Variants in EFEMP1 observed in about 807,000 individuals in gnomAD.
The protein encoded by EFEMP1 is EGF-containing fibulin-like extracellular matrix protein 1.
Under a neutral mutation model 65.7 loss-of-function variants are expected in EFEMP1, and 18 were observed. The ratio of observed to expected loss-of-function variants is 0.27; its 90% CI spans 0.19 to 0.41. The LOEUF is 0.41. EFEMP1 is among the 10% of genes least tolerant of loss of function. The probability of loss-of-function intolerance (pLI) is 1.00; values close to 1 mark genes in which losing one functional copy is unlikely to be tolerated. For missense variants in EFEMP1, 469 were observed against 624.8 expected, an observed-to-expected ratio of 0.75 and a Z score of 2.66; for synonymous variants, 237 against 219.7, an observed-to-expected ratio of 1.08 and a Z score of -0.70.
rs572751908 is a variant in EFEMP1, at chr2:55,914,873, G to A, written c.517+2792C>T. On this transcript the variant is annotated intron_variant, in intron 5 of 11. Transcript: ENST00000355426. ...ATATAGGTCCTTAGAGCACATTATTGTTCTAAACAGAGGTCCCCATACTTC... is the reference window on the plus strand; with the variant it reads ...ATATAGGTCCTTAGAGCACATTATTATTCTAAACAGAGGTCCCCATACTTC... 8.5e-5 allele frequency among the ~76,000 whole-genome samples: 13 copies of A among 152,228 alleles called. No individual in the cohort carries two copies. In the East Asian group the frequency reaches 1.4e-3, roughly 16 times the overall value.
At chr2:55,880,961 G>A (rs535051270) in intron 6 of EFEMP1, among the ~76,000 whole-genome samples, 16 of 152,336 alleles carry the variant, frequency 1.1e-4, no homozygotes, top group African/African-American at 2.2e-4. Flanking sequence ...GCAGAGGCAC[G>A]TGCTGAACTT....
rs1229964898 is a variant in EFEMP1, at chr2:55,922,435, C to T, written c.6G>A (p.Leu2=). 1.9e-6 allele frequency: 3 copies of T among 1,613,626 alleles called. No individual in the cohort carries two copies. Reference sequence around the variant, plus strand: ...TCAGCATAGTTAGGAAAAGGGCTTTCAACATTGTGAATCTCAAAGAAAATA... The same window carrying T: ...TCAGCATAGTTAGGAAAAGGGCTTTTAACATTGTGAATCTCAAAGAAAATA... M[L]KALFLTMLTL... is the part of the protein sequence containing the mutation. The change falls in exon 3 of 12, where the codon TTG becomes TTA. Residue 2 remains leucine, a synonymous_variant. Coordinates refer to ENST00000355426, the MANE Select transcript of EFEMP1 (RefSeq NM_001039348.3). This position sits in a 1 kb window ranked among gnomAD's most constrained non-coding sequence, Gnocchi z 5.5.
chr2:55,899,651 T>C (rs1194429307), intron 5 of EFEMP1, among the ~76,000 whole-genome samples: 1 of 152,198 alleles, frequency 6.6e-6, no homozygotes, highest in Non-Finnish European at 1.5e-5. Context: ...TTTGGTTACA[T>C]AATCTCTCAG....
intron 11 of EFEMP1, among the ~76,000 whole-genome samples, chr2:55,869,831 G>A (rs894624343): frequency 6.6e-6 from 1 of 152,120 alleles, no homozygotes; most frequent in Non-Finnish European, 1.5e-5. Flanking sequence ...TTCACATGAA[G>A]TGGTGAGCCG....
At position 55,871,844 on chromosome 2, in the gene EFEMP1, G is replaced by A. The variant is rs528326032; in HGVS notation, c.1001-721C>T. On this transcript the variant is annotated intron_variant, in intron 9 of 11. Coordinates refer to ENST00000355426, the MANE Select transcript of EFEMP1 (RefSeq NM_001039348.3). The surrounding 1 kb of genome is among the most constrained non-coding windows in gnomAD (Gnocchi z 4.2). ...GAAGTGTTCCACCTCATAGAGCATA[G>A]CAATTTTAGGACTGTAAGGAAAAAG... Among the ~76,000 whole-genome samples, 1 of 152,142 alleles carries A rather than the reference G, an allele frequency of 6.6e-6. No individual in the cohort carries two copies. Among genetic ancestry groups the A allele is most frequent in the Non-Finnish European group, 1.5e-5 (1 of 67,982 alleles).
chr2:55,868,093 T>C (rs1349289256), intron 11 of EFEMP1, among the ~76,000 whole-genome samples: 1 of 152,164 alleles, frequency 6.6e-6, no homozygotes, highest in Non-Finnish European at 1.5e-5. Flanking sequence ...ATCTTTCTGA[T>C]CACTTGTTCA....
At chr2:55,901,785 T>C (rs919435729) in intron 5 of EFEMP1, among the ~76,000 whole-genome samples, 12 of 152,118 alleles carry the variant, frequency 7.9e-5, no homozygotes, top group African/African-American at 2.9e-4. Flanking sequence ...TATGGCAAAA[T>C]TGATGGGTTG....
At chr2:55,879,559 C>A (rs1558464342) in intron 6 of EFEMP1, among the ~76,000 whole-genome samples, 1 of 152,152 alleles carries the variant, frequency 6.6e-6, no homozygotes, top group Non-Finnish European at 1.5e-5. Flanking sequence ...TTTGCTGGTA[C>A]TGTGTTTGGC....
chr2:55,890,165 T>C (rs1453013359), intron 5 of EFEMP1, among the ~76,000 whole-genome samples: 1 of 151,926 alleles, frequency 6.6e-6, no homozygotes, highest in Non-Finnish European at 1.5e-5. Context: ...CAAAACAAAG[T>C]TGGCTATGCA....
intron 5 of EFEMP1, among the ~76,000 whole-genome samples, chr2:55,909,575 G>A (rs891522973): frequency 6.6e-6 from 1 of 152,012 alleles, no homozygotes; most frequent in Non-Finnish European, 1.5e-5. Context: ...ATATTTGGAT[G>A]CTAATTTCCT....
intron 8 of EFEMP1, among the ~76,000 whole-genome samples, chr2:55,875,347 C>T (rs1421097431): frequency 1.4e-5 from 2 of 140,050 alleles, no homozygotes; most frequent in Non-Finnish European, 3.0e-5. Flanking sequence ...CACACACACA[C>T]ACACACACAC....
intron 5 of EFEMP1, among the ~76,000 whole-genome samples, chr2:55,901,275 G>C (rs1474622220): frequency 6.6e-6 from 1 of 152,182 alleles, no homozygotes; most frequent in Non-Finnish European, 1.5e-5. Context: ...ACAAGCATGT[G>C]AGTACATGTT....
rs906173241 is a variant in EFEMP1, at chr2:55,877,198, G to C, written c.761-456C>G. Among the ~76,000 whole-genome samples the C allele has an allele frequency of 3.3e-4, 50 of 152,018 alleles. No homozygotes were observed. Among genetic ancestry groups the C allele is most frequent in the African/African-American group, 1.0e-3 (42 of 41,372 alleles). ...TGTGCTATTTATTACTTTTTAAATG[G>C]GTTCTGTTAAATTCCATTACAATTA... On this transcript the variant is annotated intron_variant, in intron 7 of 11. Transcript: ENST00000355426. This position sits in a 1 kb window ranked among gnomAD's most constrained non-coding sequence, Gnocchi z 4.5.
chr2:55,893,294 T>G (rs2104411698), intron 5 of EFEMP1, among the ~76,000 whole-genome samples: 1 of 152,292 alleles, frequency 6.6e-6, no homozygotes, highest in African/African-American at 2.4e-5. Context: ...TACCAAGAAT[T>G]AATGTTTATA....
intron 5 of EFEMP1, among the ~76,000 whole-genome samples, chr2:55,908,262 A>G (rs1670355519): frequency 6.6e-6 from 1 of 152,174 alleles, no homozygotes; most frequent in Admixed American, 6.6e-5. Context: ...CCTTGATCTT[A>G]TTTTACAGAA....
At chr2:55,915,298 T>G (rs1398362532) in intron 5 of EFEMP1, among the ~76,000 whole-genome samples, 2 of 152,198 alleles carry the variant, frequency 1.3e-5, no homozygotes, top group South Asian at 4.1e-4. Context: ...TCAACAGGTA[T>G]GTATTTAGCA....
At chr2:55,879,601 T>A (rs913187835) in intron 6 of EFEMP1, among the ~76,000 whole-genome samples, 1 of 152,176 alleles carries the variant, frequency 6.6e-6, no homozygotes, top group Non-Finnish European at 1.5e-5. Flanking sequence ...TCAGTATACA[T>A]GTGTTCTGCC....
chr2:55,873,601 T>A lies in EFEMP1; in HGVS notation c.1000+1345A>T, dbSNP rs1668907785. Among the ~76,000 whole-genome samples, 1 of 152,014 alleles carries A rather than the reference T, an allele frequency of 6.6e-6. No individual in the cohort carries two copies. Among genetic ancestry groups the A allele is most frequent in the Admixed American group, 6.6e-5 (1 of 15,248 alleles). On this transcript the variant is annotated intron_variant, in intron 9 of 11. Transcript: ENST00000355426. The surrounding 1 kb of genome is among the most constrained non-coding windows in gnomAD (Gnocchi z 4.6). ...GTAATATGCATGTTGAAAGTCTCAATTAGGGTTCAGTAAGTAAAATCATTG... is the reference window on the plus strand; with the variant it reads ...GTAATATGCATGTTGAAAGTCTCAAATAGGGTTCAGTAAGTAAAATCATTG...
At chr2:55,889,329 C>T (rs1572811040) in intron 5 of EFEMP1, among the ~76,000 whole-genome samples, 1 of 152,308 alleles carries the variant, frequency 6.6e-6, no homozygotes, top group African/African-American at 2.4e-5. Flanking sequence ...GTGAGTGTAA[C>T]TTGGCAATAC....
Sources: allele counts gnomAD v4.1 joint callset (sites outside exome capture counted in the v4.1 genomes callset), GRCh38; gene constraint gnomAD v4.1.1; non-coding constraint Gnocchi (gnomAD v3.1); transcripts MANE v1.5; gene names NCBI Gene and HGNC (gene_info 2026-07-23, HGNC 2026-07-21).